Variants in CKAP5 observed in about 807,000 individuals in gnomAD.
CKAP5 encodes cytoskeleton associated protein 5.
Under a neutral mutation model 232.8 loss-of-function variants are expected in CKAP5, and 27 were observed. That is an observed-to-expected ratio of 0.12 (90% CI 0.09 to 0.16). The LOEUF is 0.16. Ranked by LOEUF, CKAP5 falls within the 10% of genes least tolerant of loss-of-function variation. CKAP5 has a pLI of 1.00. For missense variants in CKAP5, 1,838 were observed against 2,424.7 expected (o/e 0.76, Z 5.08); for synonymous variants, 785 against 841.1 (o/e 0.93, Z 1.16).
intron 7 of CKAP5, among the ~76,000 whole-genome samples, chr11:46,808,931 G>A (rs1049671917): frequency 6.6e-6 from 1 of 152,144 alleles, no homozygotes; most frequent in Non-Finnish European, 1.5e-5. Context: ...GGGAACTTCC[G>A]GCAATGTTTC....
chr11:46,757,479 A>G (rs1406493947), intron 35 of CKAP5, among the ~76,000 whole-genome samples: 1 of 151,966 alleles, frequency 6.6e-6, no homozygotes, highest in Non-Finnish European at 1.5e-5. Context: ...GGCAACGGCG[A>G]GACTCCATCT....
chr11:46,751,429 T>G lies in CKAP5; in HGVS notation c.5239A>C (p.Lys1747Gln), dbSNP rs2065063711. ...AATTCACTTTTGCATTGCTTCAGTT[T>G]CTCTTTGGGGAAGACCTTCATGAAA... ...HIFMKVFPKEKLKQCKSEFPI... is the reference protein window; with the variant it reads ...HIFMKVFPKEQLKQCKSEFPI... Residue 1747 changes from lysine (K) to glutamine (Q), a missense_variant, in exon 39 of 44, where the codon AAA (lysine) becomes CAA (glutamine). Coordinates refer to ENST00000529230, the MANE Select transcript of CKAP5 (RefSeq NM_001008938.4). The G allele has an allele frequency of 6.2e-7, 1 of 1,614,040 alleles. No homozygotes were observed. The highest frequency in any genetic ancestry group is 1.3e-5 in the African/African-American group (1 of 74,910).
Position 46,750,569 on chromosome 11 carries a change from C to T in CKAP5, c.5503G>A (p.Glu1835Lys). The change falls in exon 41 of 44, where the codon GAG becomes AAG. Residue 1835 changes from glutamate to lysine, a missense_variant. This residue lies in a region of CKAP5 where 579 missense variants were observed against 843.2 expected (regional missense o/e 0.69). Coordinates refer to ENST00000529230, the MANE Select transcript of CKAP5 (RefSeq NM_001008938.4). Reference sequence around the variant, plus strand: ...TTAGAGCCAATCTTCTTAAAAATCTCAGCTAAGAAATCATTCACTTTGGCC... The same window carrying T: ...TTAGAGCCAATCTTCTTAAAAATCTTAGCTAAGAAATCATTCACTTTGGCC... ...SKAKVNDFLAEIFKKIGSKEN... is the reference protein window; with the variant it reads ...SKAKVNDFLAKIFKKIGSKEN... The T allele has an allele frequency of 6.2e-7, 1 of 1,613,918 alleles. No homozygotes were observed. Among genetic ancestry groups the T allele is most frequent in the Non-Finnish European group, 8.5e-7 (1 of 1,179,940 alleles).
chr11:46,753,073 C>A, intron 37 of CKAP5: 1 of 451,992 alleles, frequency 2.2e-6, no homozygotes, highest in South Asian at 5.0e-5. Context: ...TAGCTATGGT[C>A]TCAGGCTAAA....
At chr11:46,778,036 TA>T in intron 22 of CKAP5, 102 bp downstream of exon 22, 1 of 906,378 alleles carries the variant, frequency 1.1e-6, no homozygotes, top group Non-Finnish European at 1.7e-6. Flanking sequence ...TCAAAGCAAA[TA>T]AAGTAACCAC....
intron 2 of CKAP5, 79 bp from the exon 3 acceptor site, chr11:46,818,582 G>A: frequency 4.8e-6 from 5 of 1,043,338 alleles, no homozygotes; most frequent in East Asian, 2.7e-5. Flanking sequence ...GGGGGAGGGT[G>A]TGAGAATAGA....
chr11:46,746,087 A>G (rs2065019875), intron 42 of CKAP5, among the ~76,000 whole-genome samples: 1 of 152,216 alleles, frequency 6.6e-6, no homozygotes, highest in Non-Finnish European at 1.5e-5. Flanking sequence ...ACAGGCTGAG[A>G]GTGGATATGA....
intron 1 of CKAP5, among the ~76,000 whole-genome samples, chr11:46,821,565 C>T (rs1299900934): frequency 6.6e-6 from 1 of 151,810 alleles, no homozygotes; most frequent in Non-Finnish European, 1.5e-5. Context: ...GCCGGGACTA[C>T]AGGCACCCGC....
intron 17 of CKAP5, 62 bp from the exon 18 acceptor site, chr11:46,783,430 G>A: frequency 3.8e-6 from 4 of 1,049,416 alleles, no homozygotes; most frequent in South Asian, 1.3e-5. Flanking sequence ...AATACAGCAT[G>A]ACATTAAGGC....
Position 46,825,313 on chromosome 11 carries a change from T to C in CKAP5, c.-37-4045A>G, listed in dbSNP as rs780023364. ...GTGCATTTTCTCATTAACCAACCAT[T>C]TAAAAGGGACAGAGAGATTAAGTCA... On this transcript the variant is annotated intron_variant, in intron 1 of 43. Coordinates refer to ENST00000529230, the MANE Select transcript of CKAP5 (RefSeq NM_001008938.4). 6.3e-4 allele frequency among the ~76,000 whole-genome samples: 96 copies of C among 152,082 alleles called. 1 individual carries two copies. The highest frequency in any genetic ancestry group is 1.1e-3 in the Non-Finnish European group (76 of 68,004).
chr11:46,805,178 T>G (rs1339587342), intron 8 of CKAP5, among the ~76,000 whole-genome samples: 1 of 151,992 alleles, frequency 6.6e-6, no homozygotes, highest in Non-Finnish European at 1.5e-5. Flanking sequence ...GAGGTTGCAG[T>G]GAGCTGAGAT....
At position 46,790,153 on chromosome 11, in the gene CKAP5, G is replaced by A; in HGVS notation, c.1798C>T (p.Leu600Phe). 5.6e-6 allele frequency: 9 copies of A among 1,609,998 alleles called. No homozygotes were observed. Among genetic ancestry groups the A allele is most frequent in the Non-Finnish European group, 7.6e-6 (9 of 1,177,156 alleles). The change falls in exon 15 of 44, where the codon CTT (leucine) becomes TTT (phenylalanine). Residue 600 changes from leucine (L) to phenylalanine (F), a missense_variant. This residue lies in a region of CKAP5 where 767 missense variants were observed against 954.6 expected (regional missense o/e 0.80). Coordinates refer to ENST00000529230, the MANE Select transcript of CKAP5 (RefSeq NM_001008938.4). ...AGAAGCTGTATACAGGTAGGGGGAA[G>A]AACAGCTGAAGCTTTTTCTTCACAT... ...EVCEEKASAV[L>F]PPTCIQLLDS...
At chr11:46,768,280 T>C (rs2065220727) in intron 26 of CKAP5, among the ~76,000 whole-genome samples, 1 of 152,076 alleles carries the variant, frequency 6.6e-6, no homozygotes, top group Non-Finnish European at 1.5e-5. Flanking sequence ...AGCCTTGACC[T>C]CCCTGGCTAA....
At chr11:46,818,550 T>G in intron 2 of CKAP5, 47 bp from the exon 3 acceptor site, 1 of 1,315,136 alleles carries the variant, frequency 7.6e-7, no homozygotes, top group Non-Finnish European at 1.0e-6. Context: ...TTAATGATAT[T>G]ATCATCTACT....
At position 46,811,013 on chromosome 11, in the gene CKAP5, A is replaced by T. The variant is rs753736469; in HGVS notation, c.624T>A (p.Ser208=). 6.2e-7 allele frequency: 1 copy of T among 1,608,798 alleles called. No individual in the cohort carries two copies. Among genetic ancestry groups the T allele is most frequent in the South Asian group, 1.1e-5 (1 of 89,396 alleles). Reference sequence around the variant, plus strand: ...AGAAAACTTTTTGTCTCACCTGAACAGAGTTTATATTTTGTAATGGGGGTC... The same window carrying T: ...AGAAAACTTTTTGTCTCACCTGAACTGAGTTTATATTTTGTAATGGGGGTC... ...ALRPPLQNIN[S]VQLKELEEEW... Residue 208 remains serine (S), a synonymous_variant, in exon 5 of 44, where the codon TCT becomes TCA. Coordinates refer to ENST00000529230, the MANE Select transcript of CKAP5 (RefSeq NM_001008938.4).
rs114083473 is a variant in CKAP5 at position 46,758,890 on chromosome 11, A to G, written c.4689+33T>C. The G allele has an allele frequency of 3.9e-4, 625 of 1,612,234 alleles. 5 individuals carry two copies. The African/African-American group carries it at 7.0e-3, about 18-fold the overall frequency. ...ACATTTATAGCCTCTATGTCCACCA[A>G]TGGAATCCCTGTCACGGGAGCACAC... On this transcript the variant is annotated intron_variant, in intron 35 of 43. Coordinates refer to ENST00000529230, the MANE Select transcript of CKAP5 (RefSeq NM_001008938.4).
chr11:46,784,342 G>T, intron 17 of CKAP5, 146 bp downstream of exon 17: 1 of 662,846 alleles, frequency 1.5e-6, no homozygotes. Flanking sequence ...CAGCCTGGGC[G>T]ACAGAGTGAA....
At chr11:46,752,193 T>TATATATATATATATATATAC (rs1408030107) in intron 38 of CKAP5, among the ~76,000 whole-genome samples, 3 of 66,552 alleles carry the variant, frequency 4.5e-5, no homozygotes, top group African/African-American at 1.5e-4. Flanking sequence ...TATATATATA[T>TATATATATATATATATATAC]ACACACACAC....
intron 1 of CKAP5, among the ~76,000 whole-genome samples, chr11:46,823,930 A>T (rs1939598225): frequency 6.6e-6 from 1 of 152,178 alleles, no homozygotes; most frequent in Non-Finnish European, 1.5e-5. Flanking sequence ...TTCAATAAAT[A>T]TTTGTTTATT....
Sources: gnomAD v4.1 joint callset for allele counts (sites outside exome capture counted in the v4.1 genomes callset) on GRCh38, gnomAD v4.1.1 for gene constraint, gnomAD v4.1.1 regional missense constraint, MANE v1.5 for transcripts, NCBI Gene and HGNC (gene_info 2026-07-23, HGNC 2026-07-21) for gene names.